Variants in OTOGL observed in about 807,000 individuals in gnomAD.
OTOGL encodes otogelin like, also known as otogelin-like protein.
A neutral mutation model predicts 318.5 loss-of-function variants in OTOGL; 285 were observed. The ratio of observed to expected loss-of-function variants is 0.89; its 90% CI spans 0.81 to 0.99. The LOEUF (loss-of-function observed/expected upper bound fraction) is 0.99. Ranked by LOEUF, OTOGL falls within the 50% of genes least tolerant of loss-of-function variation. OTOGL has a pLI of 0.00. For missense variants in OTOGL, 2,899 were observed against 2,845.6 expected (o/e 1.02, Z -0.43); for synonymous variants, 987 against 936.5 (o/e 1.05, Z -0.99).
chr12:80,125,854 A>G (rs1304495488), intron 1 of OTOGL, among the ~76,000 whole-genome samples: 1 of 152,106 alleles, frequency 6.6e-6, no homozygotes, highest in African/African-American at 2.4e-5. Flanking sequence ...CTCTGATGGT[A>G]GTTTTTATTT....
At chr12:80,212,294 T>C (rs1877327166) in intron 4 of OTOGL, among the ~76,000 whole-genome samples, 1 of 152,086 alleles carries the variant, frequency 6.6e-6, no homozygotes, top group Non-Finnish European at 1.5e-5. Context: ...AAATTAGAAG[T>C]AGTTTAAAAA....
At chr12:80,362,945 G>A (rs1477392495) in intron 52 of OTOGL, among the ~76,000 whole-genome samples, 2 of 152,066 alleles carry the variant, frequency 1.3e-5, no homozygotes, top group African/African-American at 4.8e-5. Flanking sequence ...GGTATATTTG[G>A]GGAGGGTTTT....
chr12:80,270,007 A>G (rs1883281824), intron 22 of OTOGL, 95 bp from the exon 23 acceptor site: 1 of 1,032,616 alleles, frequency 9.7e-7, no homozygotes. Context: ...AATGTACTCA[A>G]TCAATTCTTG....
intron 37 of OTOGL, among the ~76,000 whole-genome samples, chr12:80,329,371 A>T (rs1005716284): frequency 1.3e-5 from 2 of 152,198 alleles, no homozygotes; most frequent in Admixed American, 6.5e-5. Flanking sequence ...GCCACACTGC[A>T]CTGGGCTACG....
chr12:80,335,859 ATT>A (rs1888357587), intron 38 of OTOGL, 102 bp from the exon 39 acceptor site: 14 of 1,046,288 alleles, frequency 1.3e-5, no homozygotes, highest in Non-Finnish European at 1.8e-5. Context: ...AAGTTTTTGT[ATT>A]CAATAAATGT....
chr12:80,158,470 A>G (rs1411115833), intron 1 of OTOGL, among the ~76,000 whole-genome samples: 1 of 152,050 alleles, frequency 6.6e-6, no homozygotes, highest in Non-Finnish European at 1.5e-5. Flanking sequence ...TTATCTCTGA[A>G]ATGGCCTTGC....
Position 80,356,852 on chromosome 12 carries a change from G to T in OTOGL, c.5957G>T (p.Arg1986Ile). The change falls in exon 49 of 59, where the codon AGA (arginine) becomes ATA (isoleucine). Residue 1986 changes from arginine to isoleucine, a missense_variant. Physicochemically the swap from Arg to Ile is moderately conservative, Grantham distance 97 (BLOSUM62 -3). Transcript: ENST00000547103. ...CCCAGTATTTCAACACCAGAATGCAGAGAAGATCAATTCATGATTCAAGTT... is the reference window on the plus strand; with the variant it reads ...CCCAGTATTTCAACACCAGAATGCATAGAAGATCAATTCATGATTCAAGTT... ...KCPSISTPEC[R>I]EDQFMIQVRQ... is the part of the protein sequence containing the mutation. 6.2e-7 allele frequency: 1 copy of T among 1,600,044 alleles called. No individual in the cohort carries two copies. The highest frequency in any genetic ancestry group is 8.5e-7 in the Non-Finnish European group (1 of 1,173,050).
chr12:80,108,235 A>G lies in OTOGL; in HGVS notation c.-20+8630A>G, dbSNP rs1319040309. ...AGAACATTGGATTTTTGTCATATTG[A>G]CTTGCTTCCTTTTCAAATGGATTAT... On this transcript the variant is annotated intron_variant, in intron 1 of 58. Coordinates refer to ENST00000547103, the MANE Select transcript of OTOGL (RefSeq NM_001378609.3). Among the ~76,000 whole-genome samples the G allele has an allele frequency of 2.6e-5, 4 of 152,184 alleles. No individual in the cohort carries two copies. The East Asian group carries it at 7.7e-4, about 29-fold the overall frequency.
At chr12:80,264,147 T>G (rs1453078373) in intron 19 of OTOGL, among the ~76,000 whole-genome samples, 1 of 152,152 alleles carries the variant, frequency 6.6e-6, no homozygotes, top group East Asian at 1.9e-4. Flanking sequence ...GATTGATTAA[T>G]TTTATCTGTT....
intron 1 of OTOGL, among the ~76,000 whole-genome samples, chr12:80,178,430 ACAAATCAATACT>A (rs1346102487): frequency 6.6e-6 from 1 of 152,114 alleles, no homozygotes; most frequent in Non-Finnish European, 1.5e-5. Flanking sequence ...CCAAACATGC[ACAAATCAATACT>A]CAAATGAATA....
chr12:80,294,772 A>T (rs1015757766), intron 26 of OTOGL, among the ~76,000 whole-genome samples: 5 of 152,194 alleles, frequency 3.3e-5, no homozygotes, highest in African/African-American at 1.2e-4. Flanking sequence ...TGAAAAACTA[A>T]GTGTGAAGAA....
At chr12:80,337,713 G>C (rs1198142840) in intron 42 of OTOGL, among the ~76,000 whole-genome samples, 1 of 151,858 alleles carries the variant, frequency 6.6e-6, no homozygotes, top group Non-Finnish European at 1.5e-5. Context: ...TTCTTAAAAT[G>C]GCTGAAGTAC....
At chr12:80,351,242 C>A (rs1435908326) in intron 44 of OTOGL, among the ~76,000 whole-genome samples, 1 of 151,314 alleles carries the variant, frequency 6.6e-6, no homozygotes, top group Non-Finnish European at 1.5e-5. Context: ...ATTTCTGGGT[C>A]TCTGTTCTGT....
intron 52 of OTOGL, chr12:80,366,159 AAGTT>A (rs1890515482): frequency 5.0e-6 from 1 of 201,936 alleles, no homozygotes; most frequent in African/African-American, 2.3e-5. Flanking sequence ...CTAAATCAAA[AAGTT>A]AGTAAGTTAT....
At chr12:80,103,044 A>T in intron 1 of OTOGL, 1 of 1,082,106 alleles carries the variant, frequency 9.2e-7, no homozygotes, top group East Asian at 2.4e-5. Context: ...GTGAATGCCT[A>T]TGTGGACAGT....
At chr12:80,110,176 TC>T (rs1314777948) in intron 1 of OTOGL, among the ~76,000 whole-genome samples, 1 of 149,944 alleles carries the variant, frequency 6.7e-6, no homozygotes, top group African/African-American at 2.5e-5. Context: ...CACGCCATTC[TC>T]CTGCCTCAGC....
intron 24 of OTOGL, 80 bp downstream of exon 24, chr12:80,271,890 A>G: frequency 6.8e-7 from 1 of 1,460,202 alleles, no homozygotes; most frequent in Admixed American, 2.0e-5. Flanking sequence ...CTTTATAGAA[A>G]TAGCCAGAAT....
At chr12:80,156,589 T>C (rs1456365494) in intron 1 of OTOGL, among the ~76,000 whole-genome samples, 1 of 152,166 alleles carries the variant, frequency 6.6e-6, no homozygotes, top group Admixed American at 6.5e-5. Context: ...AGGAGAAGTC[T>C]TTCCCATGCT....
intron 37 of OTOGL, 101 bp downstream of exon 37, chr12:80,329,220 T>A: frequency 1.1e-6 from 1 of 899,314 alleles, no homozygotes; most frequent in Non-Finnish European, 1.6e-6. Flanking sequence ...TCATTAATAC[T>A]ACCTATGGGC....
Sources: allele counts gnomAD v4.1 joint callset (sites outside exome capture counted in the v4.1 genomes callset), GRCh38; gene constraint gnomAD v4.1.1; transcripts MANE v1.5; gene names NCBI Gene and HGNC (gene_info 2026-07-23, HGNC 2026-07-21).